The following IL20RB variants were observed in gnomAD, a reference collection of about 807,000 sequenced individuals.
IL20RB encodes interleukin-20 receptor subunit beta.
IL20RB carries 21 observed loss-of-function variants against 33.3 expected under a neutral mutation model. The ratio of observed to expected loss-of-function variants is 0.63; its 90% CI spans 0.45 to 0.91. The LOEUF (loss-of-function observed/expected upper bound fraction) is 0.91, where lower values mean the gene tolerates loss of function less well. Among genes scored for constraint, IL20RB ranks in the 40% least tolerant of loss-of-function variants. The probability of loss-of-function intolerance (pLI) is 0.00; values close to 1 mark genes in which losing one functional copy is unlikely to be tolerated. For missense variants in IL20RB, 345 were observed against 384.8 expected (o/e 0.90, Z 0.86); for synonymous variants, 147 against 146.8 (o/e 1.00, Z -0.01).
intron 6 of IL20RB, among the ~76,000 whole-genome samples, chr3:136,999,130 T>G (rs1033276471): frequency 2.6e-5 from 4 of 152,138 alleles, no homozygotes. Flanking sequence ...AGGGTCTCAC[T>G]CTGCCACTCA....
At chr3:136,980,252 A>G in intron 1 of IL20RB, 3 of 550,392 alleles carry the variant, frequency 5.5e-6, no homozygotes, top group Non-Finnish European at 6.5e-6. Context: ...CATAAGCATG[A>G]TAAAATTAGA....
At chr3:136,978,045 A>G (rs1415329189) in intron 1 of IL20RB, among the ~76,000 whole-genome samples, 1 of 152,110 alleles carries the variant, frequency 6.6e-6, no homozygotes, top group Non-Finnish European at 1.5e-5. Context: ...TTGGAGAGGA[A>G]GCATTCAGTC....
At chr3:137,006,826 G>A (rs1006434006) in intron 6 of IL20RB, among the ~76,000 whole-genome samples, 31 of 152,252 alleles carry the variant, frequency 2.0e-4, no homozygotes, top group African/African-American at 7.2e-4. Flanking sequence ...GCGAGGAGCT[G>A]TGATCCTTTG....
intron 3 of IL20RB, chr3:136,986,588 G>C (rs1008543895): frequency 1.4e-5 from 6 of 433,788 alleles, no homozygotes; most frequent in Non-Finnish European, 2.8e-5. Context: ...GGCTTCCCAA[G>C]TCCTCCTGAC....
In IL20RB at chr3:136,995,544, C is replaced by T. The variant is rs767514517; in HGVS notation, c.813C>T (p.Leu271=). 44 of 1,614,118 alleles carry T rather than the reference C, an allele frequency of 2.7e-5. No individual in the cohort carries two copies. The South Asian group carries it at 4.5e-4, about 17-fold the overall frequency. ...LQYSCCPVVV[L]PDTLKITNSP... is the part of the protein sequence containing the mutation. ...ACTCCTGTTGCCCCGTGGTGGTCCT[C>T]CCAGACACCTTGGTAATAGAGTAGT... Residue 271 remains leucine (L), a synonymous_variant, in exon 6 of 7, where the codon CTC becomes CTT. Coordinates refer to ENST00000329582, the MANE Select transcript of IL20RB (RefSeq NM_144717.4).
rs34743717 is a variant in IL20RB, at chr3:136,999,557, A to ATTTTTTTTTTTTTTTTTT, written c.825+4015_825+4016insTTTTTTTTTTTTTTTTTT. Among the ~76,000 whole-genome samples, 3 of 142,582 alleles carry ATTTTTTTTTTTTTTTTTT rather than the reference A, an allele frequency of 2.1e-5. 1 individual carries two copies. Among genetic ancestry groups the ATTTTTTTTTTTTTTTTTT allele is most frequent in the Non-Finnish European group, 1.5e-5 (1 of 65,248 alleles). The allele number at this position is 142,582 out of a possible 152,430, so 93.5% of individuals were successfully genotyped here. ...GCTCCCAGCCCATATTTCTTCAGGT[A>ATTTTTTTTTTTTTTTTTT]TTTTTTTTTTTTTTGTCTCATTCTC... On this transcript the variant is annotated intron_variant, in intron 6 of 6. Transcript: ENST00000329582.
intron 1 of IL20RB, among the ~76,000 whole-genome samples, chr3:136,963,991 A>T (rs1183119955): frequency 1.9e-5 from 1 of 52,028 alleles, no homozygotes; most frequent in Non-Finnish European, 3.5e-5. Context: ...ATGGTTTCCA[A>T]TTTCATCCAT....
intron 1 of IL20RB, among the ~76,000 whole-genome samples, chr3:136,976,304 T>A (rs935067273): frequency 1.3e-5 from 2 of 152,072 alleles, no homozygotes; most frequent in African/African-American, 4.8e-5. Flanking sequence ...GTCAGGGCAA[T>A]CCTCAGGTCT....
intron 3 of IL20RB, among the ~76,000 whole-genome samples, chr3:136,982,935 T>A (rs532042016): frequency 7.9e-5 from 12 of 152,254 alleles, no homozygotes; most frequent in African/African-American, 2.9e-4. Context: ...GGTCATTGTA[T>A]AAAAGGACAT....
At chr3:137,005,944 T>TGG (rs1942341455) in intron 6 of IL20RB, among the ~76,000 whole-genome samples, 2 of 152,248 alleles carry the variant, frequency 1.3e-5, no homozygotes, top group African/African-American at 2.4e-5. Flanking sequence ...TCAGGAGCTG[T>TGG]TGTAAGGCAG....
At chr3:136,991,292 T>G (rs959234419) in intron 4 of IL20RB, among the ~76,000 whole-genome samples, 3 of 152,192 alleles carry the variant, frequency 2.0e-5, no homozygotes, top group African/African-American at 7.2e-5. Context: ...CGTTACCATC[T>G]CTTTGCTCTG....
intron 6 of IL20RB, 78 bp from the exon 7 acceptor site, chr3:137,010,035 G>A (rs1933045129): frequency 1.3e-6 from 1 of 743,844 alleles, no homozygotes; most frequent in East Asian, 2.8e-5. Context: ...TAATCAAATA[G>A]TTAAAAATGT....
chr3:136,997,658 T>A (rs2108214669), intron 6 of IL20RB, among the ~76,000 whole-genome samples: 1 of 152,180 alleles, frequency 6.6e-6, no homozygotes, highest in African/African-American at 2.4e-5. Flanking sequence ...ATCTGTATAT[T>A]TATATTTAAG....
Position 136,995,506 on chromosome 3 carries a change from C to T in IL20RB, c.775C>T (p.Arg259Trp), listed in dbSNP as rs377543944. ...GCCACTGTTCGTCTGGAAAATGGGC[C>T]GGCTGCTCCAGTACTCCTGTTGCCC... The part of the protein sequence containing the change: ...VVPLFVWKMG[R>W]LLQYSCCPVV... Residue 259 changes from arginine to tryptophan, a missense_variant, in exon 6 of 7, where the codon CGG becomes TGG. Transcript: ENST00000329582. 1.5e-5 allele frequency: 24 copies of T among 1,613,972 alleles called. No individual in the cohort carries two copies. Among genetic ancestry groups the T allele is most frequent in the African/African-American group, 1.1e-4 (8 of 74,902 alleles).
At chr3:136,971,051 C>T (rs867190396) in intron 1 of IL20RB, among the ~76,000 whole-genome samples, 7 of 152,264 alleles carry the variant, frequency 4.6e-5, no homozygotes, top group Middle Eastern at 6.8e-3. Flanking sequence ...AGAGTCATCA[C>T]CTGAGTACAA....
intron 6 of IL20RB, among the ~76,000 whole-genome samples, chr3:137,008,364 A>G (rs1219665309): frequency 6.6e-6 from 1 of 152,232 alleles, no homozygotes; most frequent in African/African-American, 2.4e-5. Context: ...AATATGTTTC[A>G]TCTTCTCAGC....
At chr3:136,962,003 ATAAAT>A (rs1478381243) in intron 1 of IL20RB, among the ~76,000 whole-genome samples, 1 of 152,240 alleles carries the variant, frequency 6.6e-6, no homozygotes, top group East Asian at 1.9e-4. Flanking sequence ...ACTTTACAGA[ATAAAT>A]TAAAATATCC....
chr3:136,972,689 A>G (rs1682360), intron 1 of IL20RB, among the ~76,000 whole-genome samples: 152,103 of 152,144 alleles, frequency 1, 76,031 homozygotes, highest in Middle Eastern at 1. Flanking sequence ...TCTCTTCTTG[A>G]TTAGTCTAGC....
At chr3:136,980,801 T>C (rs1325267392) in intron 2 of IL20RB, among the ~76,000 whole-genome samples, 2 of 152,224 alleles carry the variant, frequency 1.3e-5, no homozygotes, top group African/African-American at 2.4e-5. Flanking sequence ...TCTGGGAAGA[T>C]GAATGTGCAT....
Sources: allele counts gnomAD v4.1 joint callset (sites outside exome capture counted in the v4.1 genomes callset), GRCh38; gene constraint gnomAD v4.1.1; transcripts MANE v1.5; gene names NCBI Gene and HGNC (gene_info 2026-07-23, HGNC 2026-07-21).